CACNA2D3: variants seen among roughly 807,000 people sequenced by gnomAD.
The protein encoded by CACNA2D3 is voltage-dependent calcium channel subunit alpha-2/delta-3.
In CACNA2D3, 60 loss-of-function variants were observed where a neutral mutation model predicts 160.6. The observed-to-expected ratio is 0.37, with a 90% CI of 0.30 to 0.46. CACNA2D3 has a LOEUF of 0.46. CACNA2D3 is among the 20% of genes least tolerant of loss of function. The pLI, the probability that CACNA2D3 is intolerant of heterozygous loss-of-function variation, is 1.00. For missense variants in CACNA2D3, 1,205 were observed against 1,365.0 expected (o/e 0.88, Z 1.85); for synonymous variants, 558 against 492.9 (o/e 1.13, Z -1.75).
In CACNA2D3 at chr3:55,041,272, C is replaced by T. The variant is rs942273464; in HGVS notation, c.2987+22955C>T. On this transcript the variant is annotated intron_variant, in intron 35 of 37. Transcript: ENST00000474759. ...CATGTATAATTTAACATTTTGGGAT[C>T]GATTCATAGACTTGGGATTGCTGGG... Among the ~76,000 whole-genome samples, 9 of 152,084 alleles carry T rather than the reference C, an allele frequency of 5.9e-5. No individual in the cohort carries two copies. The South Asian group carries it at 8.3e-4, about 14-fold the overall frequency.
rs138312333 is a variant in CACNA2D3 at position 54,191,843 on chromosome 3, C to T, written c.204+68249C>T. Among the ~76,000 whole-genome samples the T allele has an allele frequency of 9.5e-4, 144 of 152,236 alleles. 2 individuals are homozygous for T. In the South Asian group the frequency reaches 0.02, roughly 21 times the overall value. On this transcript the variant is annotated intron_variant, in intron 2 of 37. Coordinates refer to ENST00000474759, the MANE Select transcript of CACNA2D3 (RefSeq NM_018398.3). ...AGAGAATGTACACAGAGCCCAGATC[C>T]GGTAGTCAATGAAGGGCCCCAAAAG...
chr3:55,070,459 C>A (rs1338668677), intron 35 of CACNA2D3, among the ~76,000 whole-genome samples: 2 of 152,106 alleles, frequency 1.3e-5, no homozygotes, highest in Non-Finnish European at 2.9e-5. Flanking sequence ...GGAGATGTGA[C>A]AGCATGTTTG....
In CACNA2D3 at chr3:55,003,245, T is replaced by TC. The variant is rs368043902; in HGVS notation, c.2691-1517dup. On this transcript the variant is annotated intron_variant, in intron 31 of 37. Transcript: ENST00000474759. ...TCTCATCTGGCAGTTGTTATGTAAC[T>TC]CAGGCTCGACTTTACATGTCTCTCC... Among the ~76,000 whole-genome samples the TC allele has an allele frequency of 3.8e-3, 577 of 152,308 alleles. 3 individuals carry two copies. Among genetic ancestry groups the TC allele is most frequent in the African/African-American group, 0.013 (554 of 41,572 alleles).
intron 4 of CACNA2D3, among the ~76,000 whole-genome samples, chr3:54,467,730 A>G (rs541242677): frequency 1.3e-5 from 2 of 152,308 alleles, no homozygotes; most frequent in African/African-American, 4.8e-5. Flanking sequence ...GGGAGGGTAC[A>G]GGGGAAGGAG....
chr3:54,338,270 T>C (rs940808816), intron 3 of CACNA2D3, among the ~76,000 whole-genome samples: 1 of 152,186 alleles, frequency 6.6e-6, no homozygotes, highest in African/African-American at 2.4e-5. Context: ...TAAAACACCA[T>C]AACTTGTTTA....
chr3:54,145,898 TC>T (rs1181100853), intron 2 of CACNA2D3, among the ~76,000 whole-genome samples: 6 of 152,246 alleles, frequency 3.9e-5, no homozygotes, highest in African/African-American at 1.4e-4. Context: ...TTTCATATTT[TC>T]TCTTTATCTT....
At chr3:54,740,047 G>A (rs1701618723) in intron 11 of CACNA2D3, among the ~76,000 whole-genome samples, 1 of 151,950 alleles carries the variant, frequency 6.6e-6, no homozygotes, top group Non-Finnish European at 1.5e-5. Flanking sequence ...AGGCTAGGTG[G>A]GAGGGTGGAT....
At chr3:54,736,653 G>A (rs1334798212) in intron 11 of CACNA2D3, among the ~76,000 whole-genome samples, 1 of 152,140 alleles carries the variant, frequency 6.6e-6, no homozygotes. Flanking sequence ...TTAAAAGTGA[G>A]CTTGAACATC....
intron 2 of CACNA2D3, among the ~76,000 whole-genome samples, chr3:54,161,311 C>G (rs1030160961): frequency 1.7e-4 from 26 of 152,210 alleles, no homozygotes; most frequent in African/African-American, 6.0e-4. Context: ...GCCACCTGCT[C>G]AGAAGAGAAG....
At chr3:54,680,363 T>G (rs551977037) in intron 11 of CACNA2D3, among the ~76,000 whole-genome samples, 1 of 152,360 alleles carries the variant, frequency 6.6e-6, no homozygotes, top group African/African-American at 2.4e-5. Context: ...CCAGATGTGT[T>G]TATATGTTTG....
At chr3:54,938,713 T>G (rs934705045) in intron 27 of CACNA2D3, among the ~76,000 whole-genome samples, 6 of 151,890 alleles carry the variant, frequency 4.0e-5, no homozygotes, top group Admixed American at 3.9e-4. Flanking sequence ...AAAAATAAAT[T>G]TTTATTTTTA....
rs184557809 is a variant in CACNA2D3, at chr3:54,372,802, G to A, written c.322-13913G>A. Among the ~76,000 whole-genome samples the A allele has an allele frequency of 1.5e-4, 23 of 152,266 alleles. No individual in the cohort carries two copies. The East Asian group carries it at 4.4e-3, about 29-fold the overall frequency. ...TTACCTGGGCATTAAAAACGGGAGA[G>A]CCAGCTTATCCTTTAAGCTAGCTTC... On this transcript the variant is annotated intron_variant, in intron 3 of 37. Transcript: ENST00000474759.
At chr3:54,912,675 C>G (rs1171722558) in intron 27 of CACNA2D3, among the ~76,000 whole-genome samples, 1 of 152,100 alleles carries the variant, frequency 6.6e-6, no homozygotes, top group African/African-American at 2.4e-5. Context: ...TCTTCCATAT[C>G]CCCAGCGTTC....
chr3:54,593,460 CAGAG>C (rs747486150), intron 9 of CACNA2D3, among the ~76,000 whole-genome samples: 33 of 151,832 alleles, frequency 2.2e-4, no homozygotes, highest in Non-Finnish European at 4.4e-4. Context: ...AATAAAGGAA[CAGAG>C]GGAGGGAAGG....
intron 35 of CACNA2D3, among the ~76,000 whole-genome samples, chr3:55,049,966 G>C (rs949732697): frequency 1.7e-4 from 25 of 149,972 alleles, no homozygotes; most frequent in East Asian, 5.9e-4. Flanking sequence ...TTAGATCTTC[G>C]TCCATCCTTT....
chr3:54,182,068 A>G (rs1028831383), intron 2 of CACNA2D3, among the ~76,000 whole-genome samples: 2 of 152,202 alleles, frequency 1.3e-5, no homozygotes, highest in Non-Finnish European at 2.9e-5. Context: ...ATATTTATCA[A>G]AGTTAGGTTT....
intron 4 of CACNA2D3, among the ~76,000 whole-genome samples, chr3:54,446,732 A>G (rs1700227410): frequency 6.6e-6 from 1 of 152,110 alleles, no homozygotes; most frequent in Admixed American, 6.5e-5. Flanking sequence ...ATCTAGCCTG[A>G]GGATGTCGTT....
chr3:54,938,878 TG>T (rs1247241331), intron 27 of CACNA2D3, among the ~76,000 whole-genome samples: 2 of 152,046 alleles, frequency 1.3e-5, no homozygotes, highest in Non-Finnish European at 2.9e-5. Flanking sequence ...CCCATTAGTG[TG>T]CCATGGGCAG....
At chr3:54,936,964 GT>G (rs1390264829) in intron 27 of CACNA2D3, among the ~76,000 whole-genome samples, 9 of 152,142 alleles carry the variant, frequency 5.9e-5, no homozygotes, top group Non-Finnish European at 1.0e-4. Context: ...ATGGCCTCCA[GT>G]TGCTCCCACC....
Sources: gnomAD v4.1 joint callset for allele counts (sites outside exome capture counted in the v4.1 genomes callset) on GRCh38, gnomAD v4.1.1 for gene constraint, MANE v1.5 for transcripts, NCBI Gene and HGNC (gene_info 2026-07-23, HGNC 2026-07-21) for gene names.